THSD7B: variants seen among roughly 807,000 people sequenced by gnomAD.
THSD7B encodes thrombospondin type 1 domain containing 7B, also known as thrombospondin type-1 domain-containing protein 7B.
Under a neutral mutation model 213.6 loss-of-function variants are expected in THSD7B, and 138 were observed. The ratio of observed to expected loss-of-function variants is 0.65; its 90% CI spans 0.56 to 0.74. The LOEUF (loss-of-function observed/expected upper bound fraction) is 0.74, where lower values mean the gene tolerates loss of function less well. Ranked by LOEUF, THSD7B falls within the 30% of genes least tolerant of loss-of-function variation. The pLI, the probability that THSD7B is intolerant of heterozygous loss-of-function variation, is 0.00. For missense variants in THSD7B, 1,931 were observed against 1,991.5 expected (o/e 0.97, Z 0.58); for synonymous variants, 742 against 687.0 (o/e 1.08, Z -1.25).
At chr2:137,313,020 G>C (rs1422238433) in intron 12 of THSD7B, among the ~76,000 whole-genome samples, 1 of 150,480 alleles carries the variant, frequency 6.6e-6, no homozygotes, top group African/African-American at 2.4e-5. Flanking sequence ...ATGTCTATTA[G>C]GTCCGCTTGG....
Position 137,029,049 on chromosome 2 carries a change from T to C in THSD7B, c.140-27371T>C, listed in dbSNP as rs544470101. ...ATTCACCTATTTTGTTACTTAGATG[T>C]TATAAGCATTTTCTGATGTCTTTGT... On this transcript the variant is annotated intron_variant, in intron 2 of 27. Transcript: ENST00000409968. 9.0e-4 allele frequency among the ~76,000 whole-genome samples: 136 copies of C among 151,652 alleles called. 1 individual carries two copies. Among genetic ancestry groups the C allele is most frequent in the Non-Finnish European group, 1.6e-3 (110 of 67,932 alleles).
intron 10 of THSD7B, among the ~76,000 whole-genome samples, chr2:137,244,377 G>C (rs1255476036): frequency 6.6e-6 from 1 of 152,212 alleles, no homozygotes; most frequent in African/African-American, 2.4e-5. Flanking sequence ...TGGTGTTGGA[G>C]TTATTGAAGT....
rs1053250326 is a variant in THSD7B, at chr2:137,480,798, A to C, written c.3138+29775A>C. ...CTGGAATTCTCTAGACTTTTTAAAAAAGACAACCTTGTAAATCTTTGAAAT... is the reference window on the plus strand; with the variant it reads ...CTGGAATTCTCTAGACTTTTTAAAACAGACAACCTTGTAAATCTTTGAAAT... On this transcript the variant is annotated intron_variant, in intron 15 of 27. Transcript: ENST00000409968. Among the ~76,000 whole-genome samples, 3 of 152,268 alleles carry C rather than the reference A, an allele frequency of 2.0e-5. No homozygotes were observed. In the East Asian group the frequency reaches 5.8e-4, roughly 29 times the overall value.
chr2:137,502,403 G>T (rs2105138515), intron 15 of THSD7B, among the ~76,000 whole-genome samples: 1 of 152,104 alleles, frequency 6.6e-6, no homozygotes, highest in South Asian at 2.1e-4. Flanking sequence ...GGAACAGATG[G>T]ATAGAAAAAG....
chr2:137,569,674 G>A (rs1486204016), intron 16 of THSD7B, among the ~76,000 whole-genome samples: 1 of 152,004 alleles, frequency 6.6e-6, no homozygotes, highest in Non-Finnish European at 1.5e-5. Flanking sequence ...CCCTTTGAAG[G>A]TTTAGTATCA....
At chr2:136,844,353 G>A (rs559674918) in intron 1 of THSD7B, among the ~76,000 whole-genome samples, 25 of 152,170 alleles carry the variant, frequency 1.6e-4, no homozygotes, top group Non-Finnish European at 3.4e-4. Context: ...GGGCCACTTG[G>A]TGGAAGCTGG....
At chr2:137,036,557 A>C (rs1309729764) in intron 2 of THSD7B, among the ~76,000 whole-genome samples, 3 of 152,174 alleles carry the variant, frequency 2.0e-5, no homozygotes, top group Non-Finnish European at 4.4e-5. Flanking sequence ...ATAAAAAGAC[A>C]TACCTGTTTC....
chr2:137,080,903 C>T (rs1687735781), intron 3 of THSD7B, among the ~76,000 whole-genome samples: 1 of 152,066 alleles, frequency 6.6e-6, no homozygotes, highest in African/African-American at 2.4e-5. Flanking sequence ...AGCTTAGTTT[C>T]CAGCAAATTC....
At chr2:136,924,495 T>A (rs563023185) in intron 2 of THSD7B, among the ~76,000 whole-genome samples, 1 of 152,326 alleles carries the variant, frequency 6.6e-6, no homozygotes, top group South Asian at 2.1e-4. Flanking sequence ...TAAAAAATCA[T>A]TTGGCCATTA....
rs532731273 is a variant in THSD7B at position 137,168,126 on chromosome 2, G to T, written c.1526-2615G>T. ...GTAATAAAGTTACTGTCCCAGTCTTGGTAAAGGGTGGATGTTAGTTTATGC... is the reference window on the plus strand; with the variant it reads ...GTAATAAAGTTACTGTCCCAGTCTTTGTAAAGGGTGGATGTTAGTTTATGC... On this transcript the variant is annotated intron_variant, in intron 6 of 27. Coordinates refer to ENST00000409968, the MANE Select transcript of THSD7B (RefSeq NM_001316349.2). Among the ~76,000 whole-genome samples the T allele has an allele frequency of 3.3e-5, 5 of 152,242 alleles. No homozygotes were observed. In the East Asian group the frequency reaches 7.7e-4, roughly 24 times the overall value.
At chr2:137,572,359 C>T in intron 16 of THSD7B, 47 bp from the exon 17 acceptor site, 1 of 1,599,810 alleles carries the variant, frequency 6.3e-7, no homozygotes, top group Non-Finnish European at 8.6e-7. Flanking sequence ...TAAATATACT[C>T]TCCACTGTTT....
chr2:136,825,888 G>T (rs564696813), intron 1 of THSD7B, among the ~76,000 whole-genome samples: 3 of 151,772 alleles, frequency 2.0e-5, no homozygotes, highest in South Asian at 4.2e-4. Flanking sequence ...TGACTAGATT[G>T]GGCCCACCTT....
intron 9 of THSD7B, among the ~76,000 whole-genome samples, chr2:137,234,830 T>C (rs927843507): frequency 1.9e-4 from 29 of 152,160 alleles, no homozygotes; most frequent in African/African-American, 6.8e-4. Flanking sequence ...TGATAAATTT[T>C]GTTAAAGGGG....
At chr2:137,542,816 A>T (rs915425367) in intron 15 of THSD7B, among the ~76,000 whole-genome samples, 3 of 151,794 alleles carry the variant, frequency 2.0e-5, no homozygotes, top group Non-Finnish European at 2.9e-5. Context: ...TAACATAAGG[A>T]TAAACCTGTA....
intron 11 of THSD7B, among the ~76,000 whole-genome samples, chr2:137,275,599 A>T (rs527920254): frequency 4.6e-5 from 7 of 151,704 alleles, no homozygotes; most frequent in African/African-American, 1.7e-4. Context: ...GACCCTCCAG[A>T]CTGATCAGTG....
At chr2:137,111,316 G>T (rs1328785803) in intron 4 of THSD7B, among the ~76,000 whole-genome samples, 1 of 152,162 alleles carries the variant, frequency 6.6e-6, no homozygotes, top group East Asian at 1.9e-4. Context: ...TGGCTAGACA[G>T]GTAGCTACCC....
chr2:137,510,238 C>T (rs192247309), intron 15 of THSD7B, among the ~76,000 whole-genome samples: 1 of 151,448 alleles, frequency 6.6e-6, no homozygotes, highest in African/African-American at 2.4e-5. Context: ...GCCATTTTAC[C>T]CCCCTAGTTA....
At position 137,232,882 on chromosome 2, in the gene THSD7B, G is replaced by A; in HGVS notation, c.1916-17G>A. 1 of 1,612,242 alleles carries A rather than the reference G, an allele frequency of 6.2e-7. No homozygotes were observed. Among genetic ancestry groups the A allele is most frequent in the Non-Finnish European group, 8.5e-7 (1 of 1,178,582 alleles). On this transcript the variant is annotated splice_polypyrimidine_tract_variant and intron_variant, in intron 8 of 27. Coordinates refer to ENST00000409968, the MANE Select transcript of THSD7B (RefSeq NM_001316349.2). ...CAGCAACCACTATGTATTACCTTTT[G>A]TTCTTATTTTTGGCAGGTGGAAAGC... is the stretch of plus-strand genomic sequence containing the variant.
At chr2:137,403,799 G>A (rs2105000846) in intron 12 of THSD7B, among the ~76,000 whole-genome samples, 1 of 152,302 alleles carries the variant, frequency 6.6e-6, no homozygotes, top group East Asian at 1.9e-4. Flanking sequence ...GGGAACATTT[G>A]GCAATGCCTG....
Sources: allele counts gnomAD v4.1 joint callset (sites outside exome capture counted in the v4.1 genomes callset), GRCh38; gene constraint gnomAD v4.1.1; transcripts MANE v1.5; gene names NCBI Gene and HGNC (gene_info 2026-07-23, HGNC 2026-07-21).